EIF2AK2: variants seen among roughly 807,000 people sequenced by gnomAD.
EIF2AK2 encodes the protein eukaryotic translation initiation factor 2 alpha kinase 2, also known as interferon-induced, double-stranded RNA-activated protein kinase.
A neutral mutation model predicts 70.5 loss-of-function variants in EIF2AK2; 40 were observed. The ratio of observed to expected loss-of-function variants is 0.57; its 90% CI spans 0.44 to 0.74. EIF2AK2 has a LOEUF of 0.74. Among genes scored for constraint, EIF2AK2 ranks in the 30% least tolerant of loss-of-function variants. The pLI is 0.00. For synonymous variants in EIF2AK2, 198 were observed against 220.9 expected (o/e 0.90, Z 0.92); for missense variants, 555 against 644.3 (o/e 0.86, Z 1.50).
intron 11 of EIF2AK2, among the ~76,000 whole-genome samples, chr2:37,125,318 A>C (rs1319222433): frequency 6.6e-6 from 1 of 152,100 alleles, no homozygotes. Context: ...GTCCCTAAAT[A>C]ATATTCTTAG....
intron 1 of EIF2AK2, chr2:37,149,336 G>T (rs1053752552): frequency 3.1e-5 from 24 of 771,010 alleles, no homozygotes; most frequent in Non-Finnish European, 4.5e-5. Flanking sequence ...GCCTTTAAAG[G>T]TCTTTATTTC....
chr2:37,107,390 A>G lies in EIF2AK2; in HGVS notation c.1539T>C (p.Thr513=). Residue 513 remains threonine, a synonymous_variant, in exon 17 of 17, where the codon ACT becomes ACC. Transcript: ENST00000233057. ...TCTTTGAGAGTAATTTCTGTAGAAGAGTTTTCTGCAATGACAGTGAGAGTC... is the reference window on the plus strand; with the variant it reads ...TCTTTGAGAGTAATTTCTGTAGAAGGGTTTTCTGCAATGACAGTGAGAGTC... The part of the protein sequence containing the change: ...ISDIFDKKEK[T]LLQKLLSKKP... 2 of 1,613,338 alleles carry G rather than the reference A, an allele frequency of 1.2e-6. No homozygotes were observed. Among genetic ancestry groups the G allele is most frequent in the South Asian group, 2.2e-5 (2 of 90,802 alleles).
At chr2:37,122,978 C>T (rs1289020712) in intron 11 of EIF2AK2, among the ~76,000 whole-genome samples, 1 of 151,930 alleles carries the variant, frequency 6.6e-6, no homozygotes, top group Admixed American at 6.6e-5. Flanking sequence ...CCAGCCTGAC[C>T]AACATGGTGA....
In EIF2AK2 at chr2:37,141,716, A is replaced by G. The variant is rs773033384; in HGVS notation, c.241-15T>C. 5 of 1,590,436 alleles carry G rather than the reference A, an allele frequency of 3.1e-6. No homozygotes were observed. The highest frequency in any genetic ancestry group is 4.3e-6 in the Non-Finnish European group (5 of 1,172,028). On this transcript the variant is annotated splice_polypyrimidine_tract_variant and intron_variant, in intron 4 of 16. Transcript: ENST00000233057. ...GGACTAACTGCCTACAAAGAAAAAA[A>G]ATTCCTGTTTAATATAAATGACAAC...
chr2:37,120,061 T>C lies in EIF2AK2; in HGVS notation c.1146A>G (p.Arg382=). ...GTLEQWIEKR[R]GEKLDKVLAL... is the part of the protein sequence containing the mutation. ...CCAAAACTTTGTCTAGTTTCTCGCC[T>C]CTTCTTTTTTCAATCCATTGTTCCA... The change falls in exon 13 of 17, where the codon AGA becomes AGG. Residue 382 remains arginine, a synonymous_variant. Coordinates refer to ENST00000233057, the MANE Select transcript of EIF2AK2 (RefSeq NM_001135651.3). The C allele has an allele frequency of 6.5e-7, 1 of 1,545,748 alleles. No homozygotes were observed. Among genetic ancestry groups the C allele is most frequent in the Non-Finnish European group, 8.8e-7 (1 of 1,141,922 alleles).
rs748668971 is a variant in EIF2AK2 at position 37,122,523 on chromosome 2, G to C, written c.1050C>G (p.Asn350Lys). The C allele has an allele frequency of 6.2e-7, 1 of 1,611,570 alleles. No homozygotes were observed. The highest frequency in any genetic ancestry group is 1.3e-5 in the African/African-American group (1 of 74,704). ...TTAGTTACCTTGAACTATTTTTGCT[G>C]TTCTCAGGATCATAATCACTGCTCT... is the stretch of plus-strand genomic sequence containing the variant. Reference protein sequence around the residue: ...SLESSDYDPENSKNSSRSKTK... With the variant: ...SLESSDYDPEKSKNSSRSKTK... Residue 350 changes from asparagine (N) to lysine (K), a missense_variant, in exon 12 of 17, where the codon AAC (asparagine) becomes AAG (lysine). By Grantham distance (94) the Asn-to-Lys change is moderately conservative (BLOSUM62 0). Transcript: ENST00000233057.
chr2:37,121,504 C>T (rs920441274), intron 12 of EIF2AK2, among the ~76,000 whole-genome samples: 3 of 151,102 alleles, frequency 2.0e-5, no homozygotes, highest in Admixed American at 6.6e-5. Context: ...CTTGCCGTCA[C>T]GGGGATAATA....
At position 37,107,497 on chromosome 2, in the gene EIF2AK2, A is replaced by AGAT. The variant is rs752281370; in HGVS notation, c.1507_1509dup (p.Ile503dup). ...ACTTCTTTTTTATCAAATATATCTGAGATGATGCCATCCCGTAGGTCTGTG... is the reference window on the plus strand; with the variant it reads ...ACTTCTTTTTTATCAAATATATCTGAGATGATGATGCCATCCCGTAGGTCTGTG... On this transcript the variant is annotated inframe_insertion, in exon 16 of 17. Transcript: ENST00000233057. 6.2e-7 allele frequency: 1 copy of AGAT among 1,612,916 alleles called. No homozygotes were observed. The highest frequency in any genetic ancestry group is 8.5e-7 in the Non-Finnish European group (1 of 1,179,772).
chr2:37,111,348 T>TA (rs1183187351), intron 14 of EIF2AK2, among the ~76,000 whole-genome samples: 1 of 151,960 alleles, frequency 6.6e-6, no homozygotes, highest in Non-Finnish European at 1.5e-5. Context: ...GATATATTTT[T>TA]AAAATTAACG....
rs922066898 is a variant in EIF2AK2 at position 37,154,935 on chromosome 2, C to T, written c.-184+1973G>A. 1.4e-4 allele frequency among the ~76,000 whole-genome samples: 13 copies of T among 92,576 alleles called. No homozygotes were observed. In the South Asian group the frequency reaches 5.3e-3, roughly 37 times the overall value. The allele number at this position is 92,576 out of a possible 152,430, so 60.7% of individuals were successfully genotyped here. On this transcript the variant is annotated intron_variant, in intron 1 of 16. Coordinates refer to ENST00000233057, the MANE Select transcript of EIF2AK2 (RefSeq NM_001135651.3). ...TGGTTCATCTTCAACTTCTTTTCTT[C>T]TATTTTTTTTTTTTTAACCTTTTCT... is the stretch of plus-strand genomic sequence containing the variant.
At chr2:37,142,151 G>C (rs1675356136) in intron 4 of EIF2AK2, among the ~76,000 whole-genome samples, 1 of 151,552 alleles carries the variant, frequency 6.6e-6, no homozygotes, top group Admixed American at 6.6e-5. Context: ...ATTTTTTTCA[G>C]ACAGGGTGTC....
intron 7 of EIF2AK2, 61 bp from the exon 8 acceptor site, chr2:37,138,424 C>T (rs776202453): frequency 1.3e-6 from 2 of 1,597,540 alleles, no homozygotes; most frequent in Non-Finnish European, 1.7e-6. Context: ...TATTTCTTTC[C>T]CTAAATTCTC....
intron 13 of EIF2AK2, among the ~76,000 whole-genome samples, chr2:37,118,505 A>G (rs1284349758): frequency 6.6e-6 from 1 of 152,176 alleles, no homozygotes; most frequent in Non-Finnish European, 1.5e-5. Context: ...ATTCATTCTG[A>G]GGACTAGGAG....
intron 14 of EIF2AK2, 48 bp from the exon 15 acceptor site, chr2:37,109,343 T>A: frequency 6.5e-7 from 1 of 1,544,000 alleles, no homozygotes; most frequent in Non-Finnish European, 8.9e-7. Flanking sequence ...CTTACATAAA[T>A]ATCCAGCCTT....
In EIF2AK2 at chr2:37,099,241, GTTAT is replaced by G. The variant is rs1188547525; in HGVS notation, c.*8028_*8031del. The G allele has an allele frequency of 2.0e-5, 3 of 152,092 alleles. No homozygotes were observed. The highest frequency in any genetic ancestry group is 2.0e-4 in the Admixed American group (3 of 15,280). 9.4% of individuals were successfully genotyped at this position (152,092 alleles called of 1,614,324 possible). A position where few individuals can be genotyped will look rare whatever the true frequency, so the allele number is the denominator to read the frequency against. On this transcript the variant is annotated 3_prime_UTR_variant, in exon 17 of 17. Coordinates refer to ENST00000233057, the MANE Select transcript of EIF2AK2 (RefSeq NM_001135651.3). ...TTTCTAATAAACATTTATTTCAAGT[GTTAT>G]TTGTTAAACATTTAATTGTTGAGAT...
chr2:37,129,094 C>T (rs1411293286), intron 10 of EIF2AK2, among the ~76,000 whole-genome samples: 1 of 151,968 alleles, frequency 6.6e-6, no homozygotes, highest in Non-Finnish European at 1.5e-5. Context: ...TAGAGGAGGG[C>T]CCCCAGACAT....
intron 5 of EIF2AK2, 101 bp from the exon 6 acceptor site, chr2:37,139,858 A>T (rs1231121130): frequency 8.3e-7 from 1 of 1,197,788 alleles, no homozygotes; most frequent in East Asian, 2.5e-5. Context: ...TCTTAAGATA[A>T]CACCAATTTA....
intron 4 of EIF2AK2, among the ~76,000 whole-genome samples, chr2:37,144,859 G>A (rs1452517629): frequency 6.6e-6 from 1 of 151,708 alleles, no homozygotes; most frequent in African/African-American, 2.4e-5. Context: ...TGGGACTACA[G>A]GCATGAACCA....
intron 4 of EIF2AK2, among the ~76,000 whole-genome samples, chr2:37,142,169 C>T (rs1675357206): frequency 6.6e-6 from 1 of 151,990 alleles, no homozygotes; most frequent in African/African-American, 2.4e-5. Context: ...GTCACTTTGT[C>T]ACCCAGGCTA....
Sources: allele counts gnomAD v4.1 joint callset (sites outside exome capture counted in the v4.1 genomes callset), GRCh38; gene constraint gnomAD v4.1.1; transcripts MANE v1.5; gene names NCBI Gene and HGNC (gene_info 2026-07-23, HGNC 2026-07-21).